The following TLCD3B variants were observed in gnomAD, a reference collection of about 807,000 sequenced individuals.
The protein encoded by TLCD3B is TLC domain containing 3B.
Under a neutral mutation model 23.0 loss-of-function variants are expected in TLCD3B, and 9 were observed. The ratio of observed to expected loss-of-function variants is 0.39; its 90% CI spans 0.24 to 0.68. The LOEUF is 0.68. Ranked by LOEUF, TLCD3B falls within the 30% of genes least tolerant of loss-of-function variation. The probability of loss-of-function intolerance (pLI) is 0.44; values close to 1 mark genes in which losing one functional copy is unlikely to be tolerated. For missense variants in TLCD3B, 307 were observed against 371.8 expected, an observed-to-expected ratio of 0.83 and a Z score of 1.43; for synonymous variants, 161 against 161.0, an observed-to-expected ratio of 1.00 and a Z score of 0.00.
At chr16:30,051,060 C>T (rs1400181928) in intron 1 of TLCD3B, among the ~76,000 whole-genome samples, 1 of 151,994 alleles carries the variant, frequency 6.6e-6, no homozygotes, top group Non-Finnish European at 1.5e-5. Context: ...GAAAACAATG[C>T]TTCATTCGTG....
chr16:30,047,388 C>A (rs1468395481), intron 1 of TLCD3B, among the ~76,000 whole-genome samples: 1 of 152,138 alleles, frequency 6.6e-6, no homozygotes, highest in Non-Finnish European at 1.5e-5. Flanking sequence ...GTGGTGCAAT[C>A]TCAGCTCACT....
At chr16:30,051,553 A>AAAAG (rs58768328) in intron 1 of TLCD3B, among the ~76,000 whole-genome samples, 3,156 of 151,382 alleles carry the variant, frequency 0.021, 129 homozygotes, top group African/African-American at 0.073. Flanking sequence ...AAGAAAAGAA[A>AAAAG]AAAGAAAGAA....
chr16:30,051,260 G>A (rs920003382), intron 1 of TLCD3B, among the ~76,000 whole-genome samples: 1 of 151,976 alleles, frequency 6.6e-6, no homozygotes, highest in Admixed American at 6.6e-5. Context: ...CAGGCCAGGC[G>A]CAGTGGCTCA....
At chr16:30,033,034 A>C (rs1257588950), upstream of TLCD3B, 1 of 152,142 alleles carries the variant, frequency 6.6e-6, no homozygotes, top group East Asian at 1.9e-4. Context: ...AAGGCTGGCG[A>C]ATCATGAGAT....
rs11640151 is a variant in TLCD3B at position 30,050,802 on chromosome 16, C to G, written c.-294+1972G>C. ...ATGGTGTAGGAAACCCCAGGAGCAG[C>G]AGCTGTGGTGAGGTATGTTGGGGTG... On this transcript the variant is annotated intron_variant, in intron 1 of 6. Coordinates refer to the TLCD3B transcript ENST00000561666. Among the ~76,000 whole-genome samples the G allele has an allele frequency of 1.8e-3, 267 of 152,182 alleles. 2 individuals are homozygous for G. The highest frequency in any genetic ancestry group is 2.5e-3 in the Non-Finnish European group (173 of 68,006).
chr16:30,026,548 C>A, intron 3 of TLCD3B, 61 bp downstream of exon 3: 1 of 1,443,274 alleles, frequency 6.9e-7, no homozygotes, highest in East Asian at 2.4e-5. Flanking sequence ...CTCCTGCCAG[C>A]ACCAGCAGGA....
chr16:30,030,767 A>G lies in TLCD3B; in HGVS notation c.-240T>C. The G allele has an allele frequency of 8.5e-7, 1 of 1,183,344 alleles. No homozygotes were observed. Among genetic ancestry groups the G allele is most frequent in the Non-Finnish European group, 1.0e-6 (1 of 955,346 alleles). 73.3% of individuals were successfully genotyped at this position (1,183,344 alleles called of 1,614,324 possible). ...GAGGGGAGGATGGGAGAAGGGGAGC[A>G]GGAGCAGGCCAGCGAGGGATGGGGA... is the stretch of plus-strand genomic sequence containing the variant. On this transcript the variant is annotated 5_prime_UTR_variant, in exon 1 of 5. Coordinates refer to ENST00000380495, the MANE Select transcript of TLCD3B (RefSeq NM_031478.6).
intron 2 of TLCD3B, among the ~76,000 whole-genome samples, chr16:30,043,977 G>GAACCACCATGGTTAGCATGAGCT (rs1159383302): frequency 3.3e-5 from 5 of 150,090 alleles, no homozygotes; most frequent in African/African-American, 1.2e-4. Flanking sequence ...TTATAGGTGT[G>GAACCACCATGGTTAGCATGAGCT]AACCACCATG....
chr16:30,047,900 G>T (rs957983763), intron 1 of TLCD3B, among the ~76,000 whole-genome samples: 1 of 149,764 alleles, frequency 6.7e-6, no homozygotes, highest in Non-Finnish European at 1.5e-5. Flanking sequence ...CCAGCCCTTT[G>T]GGAGGCCAAG....
At chr16:30,047,907 C>G (rs2071697958) in intron 1 of TLCD3B, among the ~76,000 whole-genome samples, 1 of 150,926 alleles carries the variant, frequency 6.6e-6, no homozygotes, top group Non-Finnish European at 1.5e-5. Context: ...TTTGGGAGGC[C>G]AAGGCGGGTG....
In TLCD3B at chr16:30,026,630, C is replaced by CAGCACCATGGCGGCATGGTGG; in HGVS notation, c.402_422dup (p.His135_Leu141dup). ...TCACCACTGAGAGTGGGAAGCACAC[C>CAGCACCATGGCGGCATGGTGG]AGCACCATGGCGGCATGGTGGAGCA... On this transcript the variant is annotated inframe_insertion, in exon 3 of 5. Transcript: ENST00000380495. 6.2e-7 allele frequency: 1 copy of CAGCACCATGGCGGCATGGTGG among 1,613,710 alleles called. No individual in the cohort carries two copies. The highest frequency in any genetic ancestry group is 8.5e-7 in the Non-Finnish European group (1 of 1,179,986).
Position 30,024,709 on chromosome 16 carries a change from G to T in TLCD3B, c.*474C>A, listed in dbSNP as rs915353045. ...AAAATAAATAAGATTCCTCAAGCTG[G>T]CCTACCCTGGAGAGGAGCCGTGGTT... On this transcript the variant is annotated 3_prime_UTR_variant, in exon 5 of 5. Coordinates refer to ENST00000380495, the MANE Select transcript of TLCD3B (RefSeq NM_031478.6). 3 of 188,424 alleles carry T rather than the reference G, an allele frequency of 1.6e-5. No homozygotes were observed. Among genetic ancestry groups the T allele is most frequent in the Non-Finnish European group, 3.2e-5 (3 of 92,890 alleles). 11.7% of individuals were successfully genotyped at this position (188,424 alleles called of 1,614,324 possible).
At position 30,039,103 on chromosome 16, in the gene TLCD3B, CT is replaced by C. The variant is rs1018184417; in HGVS notation, c.-67+1891del. ...TTATCCTTCTCCTCCTCCTTCCTCT[CT>C]TTTTTTTTTTTTTTTTTTTTTTTTT... On this transcript the variant is annotated intron_variant, in intron 3 of 6. Transcript: ENST00000561666. Among the ~76,000 whole-genome samples the C allele has an allele frequency of 7.6e-3, 757 of 99,552 alleles. 73 individuals carry two copies. The highest frequency in any genetic ancestry group is 0.028 in the African/African-American group (672 of 24,186). 65.3% of individuals were successfully genotyped at this position (99,552 alleles called of 152,430 possible). A position where few individuals can be genotyped will look rare whatever the true frequency, so the allele number is the denominator to read the frequency against.
At chr16:30,033,961 A>G (rs1433187001), upstream of TLCD3B, among the ~76,000 whole-genome samples, 1 of 151,444 alleles carries the variant, frequency 6.6e-6, no homozygotes, top group Non-Finnish European at 1.5e-5. Flanking sequence ...GTGAGATTCT[A>G]TCTCAAAAAA....
intron 1 of TLCD3B, among the ~76,000 whole-genome samples, chr16:30,049,939 GAGAA>G (rs2071726285): frequency 6.8e-6 from 1 of 148,136 alleles, no homozygotes; most frequent in Non-Finnish European, 1.5e-5. Context: ...AAAAAAAAAA[GAGAA>G]AGAAAAGAAA....
At chr16:30,032,939 CG>C (rs1567303704), upstream of TLCD3B, 1 of 152,188 alleles carries the variant, frequency 6.6e-6, no homozygotes, top group Non-Finnish European at 1.5e-5. Flanking sequence ...GGAGCCACCA[CG>C]CCCGGATGAA....
chr16:30,045,953 C>CA (rs927056116), intron 2 of TLCD3B, among the ~76,000 whole-genome samples: 2 of 151,590 alleles, frequency 1.3e-5, no homozygotes, highest in African/African-American at 4.9e-5. Flanking sequence ...TACAAAAAGT[C>CA]AAAAAAATTA....
intron 2 of TLCD3B, among the ~76,000 whole-genome samples, chr16:30,028,611 G>A (rs1002975692): frequency 3.9e-5 from 6 of 152,128 alleles, no homozygotes; most frequent in African/African-American, 7.2e-5. Flanking sequence ...AGGAAGGGCC[G>A]CTGCCTCACC....
At chr16:30,032,318 A>G (rs2071379915), upstream of TLCD3B, among the ~76,000 whole-genome samples, 3 of 152,148 alleles carry the variant, frequency 2.0e-5, no homozygotes, top group African/African-American at 7.2e-5. Context: ...CAAGTTCAAT[A>G]GTCAACCCTA....
Sources: allele counts gnomAD v4.1 joint callset (sites outside exome capture counted in the v4.1 genomes callset), GRCh38; gene constraint gnomAD v4.1.1; transcripts MANE v1.5; gene names NCBI Gene and HGNC (gene_info 2026-07-23, HGNC 2026-07-21).